The following CBLB variants were observed in gnomAD, a reference collection of about 807,000 sequenced individuals.
CBLB encodes Cbl proto-oncogene B, also known as E3 ubiquitin-protein ligase CBL-B.
Under a neutral mutation model 104.9 loss-of-function variants are expected in CBLB, and 31 were observed. The observed-to-expected ratio is 0.30, with a 90% CI of 0.22 to 0.40. The LOEUF is 0.40. CBLB is among the 10% of genes least tolerant of loss of function. CBLB has a pLI of 1.00. For synonymous variants in CBLB, 440 were observed against 422.6 expected (o/e 1.04, Z -0.51); for missense variants, 1,062 against 1,214.6 (o/e 0.87, Z 1.87).
At chr3:105,732,881 T>G (rs1444888458) in intron 9 of CBLB, among the ~76,000 whole-genome samples, 1 of 152,186 alleles carries the variant, frequency 6.6e-6, no homozygotes, top group Non-Finnish European at 1.5e-5. Context: ...GAAAATCTTT[T>G]TTAAAGACTA....
intron 3 of CBLB, among the ~76,000 whole-genome samples, chr3:105,787,836 A>G (rs2081199856): frequency 6.6e-6 from 1 of 152,170 alleles, no homozygotes; most frequent in Non-Finnish European, 1.5e-5. Flanking sequence ...TTTTTTAACA[A>G]TGAAAACTCC....
At chr3:105,670,000 C>T (rs1202481784) in intron 18 of CBLB, among the ~76,000 whole-genome samples, 1 of 152,094 alleles carries the variant, frequency 6.6e-6, no homozygotes, top group African/African-American at 2.4e-5. Flanking sequence ...AGAAGTGGCT[C>T]CACTGAGTGA....
chr3:105,709,789 C>T (rs1211986656), intron 10 of CBLB, among the ~76,000 whole-genome samples: 1 of 151,778 alleles, frequency 6.6e-6, no homozygotes, highest in African/African-American at 2.4e-5. Flanking sequence ...GTAACCGTGT[C>T]GAATTTATGA....
intron 2 of CBLB, among the ~76,000 whole-genome samples, chr3:105,860,722 A>T (rs186408276): frequency 6.6e-6 from 1 of 152,248 alleles, no homozygotes; most frequent in Admixed American, 6.5e-5. Flanking sequence ...TATGAAAATT[A>T]GACCAAGGGC....
At chr3:105,727,371 T>C (rs2073797040) in intron 9 of CBLB, among the ~76,000 whole-genome samples, 1 of 152,240 alleles carries the variant, frequency 6.6e-6, no homozygotes, top group South Asian at 2.1e-4. Context: ...TGTTTGTTCA[T>C]ATGCTTCGCC....
At chr3:105,761,490 T>C (rs1158289341) in intron 4 of CBLB, among the ~76,000 whole-genome samples, 1 of 152,214 alleles carries the variant, frequency 6.6e-6, no homozygotes, top group Non-Finnish European at 1.5e-5. Context: ...CTTGTGGTAG[T>C]AAATAAGCCA....
At chr3:105,828,273 C>A (rs2153072414) in intron 3 of CBLB, among the ~76,000 whole-genome samples, 1 of 152,238 alleles carries the variant, frequency 6.6e-6, no homozygotes, top group East Asian at 1.9e-4. Flanking sequence ...GCCACATCAG[C>A]AACATGTGAA....
At chr3:105,746,086 A>C in intron 5 of CBLB, 48 bp from the exon 6 acceptor site, 1 of 1,268,288 alleles carries the variant, frequency 7.9e-7, no homozygotes. Flanking sequence ...AGAATATCAA[A>C]TATTTTGATT....
At chr3:105,841,102 T>G (rs1364850466) in intron 3 of CBLB, among the ~76,000 whole-genome samples, 2 of 152,048 alleles carry the variant, frequency 1.3e-5, no homozygotes, top group African/African-American at 4.8e-5. Flanking sequence ...GAGACCAGTC[T>G]GGCCAACATG....
chr3:105,689,794 GTT>G (rs2067447462), intron 13 of CBLB, among the ~76,000 whole-genome samples: 1 of 151,738 alleles, frequency 6.6e-6, no homozygotes, highest in Admixed American at 6.6e-5. Context: ...AATTACCCAT[GTT>G]TCTAGGATTT....
chr3:105,786,704 A>C (rs1386881368), intron 3 of CBLB, among the ~76,000 whole-genome samples: 3 of 152,196 alleles, frequency 2.0e-5, no homozygotes, highest in Non-Finnish European at 4.4e-5. Context: ...AAACAGAAGG[A>C]GGGGTCTGGA....
At chr3:105,752,335 G>A (rs1402782523) in intron 4 of CBLB, among the ~76,000 whole-genome samples, 1 of 152,060 alleles carries the variant, frequency 6.6e-6, no homozygotes, top group African/African-American at 2.4e-5. Context: ...GGTAACTAGG[G>A]AAACGTCTCT....
At chr3:105,715,739 TA>T (rs936133947) in intron 10 of CBLB, among the ~76,000 whole-genome samples, 3 of 152,144 alleles carry the variant, frequency 2.0e-5, no homozygotes, top group African/African-American at 7.2e-5. Context: ...GTTTTAAAAA[TA>T]AATGAGTAAG....
rs149189614 is a variant in CBLB, at chr3:105,681,780, T to A, written c.2240A>T (p.His747Leu). 2.7e-5 allele frequency: 43 copies of A among 1,610,714 alleles called. No individual in the cohort carries two copies. Among genetic ancestry groups the A allele is most frequent in the Non-Finnish European group, 3.6e-5 (42 of 1,177,276 alleles). Residue 747 changes from histidine to leucine, a missense_variant, in exon 15 of 19, where the codon CAT becomes CTT. This residue lies in a region of CBLB where 605 missense variants were observed against 582.6 expected (regional missense o/e 1.04). Coordinates refer to ENST00000394030, the MANE Select transcript of CBLB (RefSeq NM_170662.5). ...TGATTTCTTCTCTGAAGATGGACCA[T>A]GTGTTCCATTCAGCATACAGTGACC... ...DNGHCMLNGTHGPSSEKKSNI... is the reference protein window; with the variant it reads ...DNGHCMLNGTLGPSSEKKSNI...
chr3:105,695,936 AT>A (rs1039730038), intron 12 of CBLB, among the ~76,000 whole-genome samples: 17 of 151,770 alleles, frequency 1.1e-4, no homozygotes, highest in African/African-American at 4.1e-4. Context: ...AGATGCACTT[AT>A]TAATGGAAGT....
intron 9 of CBLB, among the ~76,000 whole-genome samples, chr3:105,722,982 T>C (rs185489186): frequency 6.2e-4 from 94 of 152,224 alleles, no homozygotes; most frequent in African/African-American, 2.2e-3. Context: ...TTGTTGAGAG[T>C]TTACATTACT....
intron 12 of CBLB, among the ~76,000 whole-genome samples, chr3:105,701,846 G>A (rs1017193582): frequency 6.6e-6 from 1 of 151,932 alleles, no homozygotes; most frequent in African/African-American, 2.4e-5. Flanking sequence ...ATACGGGAAG[G>A]TGAAATAAAT....
intron 18 of CBLB, among the ~76,000 whole-genome samples, chr3:105,662,784 G>A (rs973180488): frequency 1.3e-5 from 2 of 152,198 alleles, no homozygotes; most frequent in South Asian, 4.1e-4. Flanking sequence ...GAGAAAGAAA[G>A]ATTTGAGAAG....
rs558519696 is a variant in CBLB at position 105,701,585 on chromosome 3, A to G, written c.1959+509T>C. ...CAAGACCAGCCTGGCCAACATGGTG[A>G]AACCCCATCTCTACTAAAAATACAA... On this transcript the variant is annotated intron_variant, in intron 12 of 18. Transcript: ENST00000394030. 2.6e-5 allele frequency among the ~76,000 whole-genome samples: 4 copies of G among 152,278 alleles called. No individual in the cohort carries two copies. The South Asian group carries it at 8.3e-4, about 32-fold the overall frequency.
Sources: gnomAD v4.1 joint callset for allele counts (sites outside exome capture counted in the v4.1 genomes callset) on GRCh38, gnomAD v4.1.1 for gene constraint, gnomAD v4.1.1 regional missense constraint, MANE v1.5 for transcripts, NCBI Gene and HGNC (gene_info 2026-07-23, HGNC 2026-07-21) for gene names.